The following SPECC1 variants were observed in gnomAD, a reference collection of about 807,000 sequenced individuals.
SPECC1 encodes the protein cytospin-B.
SPECC1 carries 62 observed loss-of-function variants against 104.1 expected under a neutral mutation model. The observed-to-expected ratio is 0.60, with a 90% CI of 0.49 to 0.74. The LOEUF is 0.74. SPECC1 is among the 30% of genes least tolerant of loss of function. The probability of loss-of-function intolerance (pLI) is 0.00; values close to 1 mark genes in which losing one functional copy is unlikely to be tolerated. For missense variants in SPECC1, 1,306 were observed against 1,310.5 expected (o/e 1.00, Z 0.05); for synonymous variants, 513 against 501.6 (o/e 1.02, Z -0.30).
At chr17:20,107,076 A>C (rs1469401176) in intron 2 of SPECC1, among the ~76,000 whole-genome samples, 2 of 141,158 alleles carry the variant, frequency 1.4e-5, no homozygotes, top group Non-Finnish European at 3.0e-5. Context: ...TCAGGAAGGC[A>C]GAGGTTGCAG....
intron 14 of SPECC1, among the ~76,000 whole-genome samples, 154 bp from the exon 15 acceptor site, chr17:20,313,822 G>A (rs1254263224): frequency 6.6e-6 from 1 of 152,176 alleles, no homozygotes; most frequent in Non-Finnish European, 1.5e-5. Context: ...TTAACTCATC[G>A]CTTTCAGCAC....
In SPECC1 at chr17:20,087,211, A is replaced by G. The variant is rs141945000; in HGVS notation, c.-21-9420A>G. ...ATAGAAATGTAAAGTATTGTTTACT[A>G]TTTCTGTGAAACTAGGGTGTAAACC... is the stretch of plus-strand genomic sequence containing the variant. On this transcript the variant is annotated intron_variant, in intron 1 of 14. Coordinates refer to ENST00000395527, the MANE Select transcript of SPECC1 (RefSeq NM_001243439.2). Among the ~76,000 whole-genome samples, 211 of 152,310 alleles carry G rather than the reference A, an allele frequency of 1.4e-3. 1 individual carries two copies. The highest frequency in any genetic ancestry group is 5.0e-3 in the African/African-American group (206 of 41,576).
chr17:20,140,365 G>T (rs2030626196), intron 3 of SPECC1, among the ~76,000 whole-genome samples: 1 of 152,034 alleles, frequency 6.6e-6, no homozygotes, highest in African/African-American at 2.4e-5. Flanking sequence ...ATACTTAAGA[G>T]GAAGATTGGA....
intron 1 of SPECC1, among the ~76,000 whole-genome samples, chr17:20,047,669 C>T (rs2045590409): frequency 6.6e-6 from 1 of 151,856 alleles, no homozygotes; most frequent in African/African-American, 2.4e-5. Flanking sequence ...GTGATCTCGG[C>T]TCACTGCAAG....
intron 3 of SPECC1, among the ~76,000 whole-genome samples, chr17:20,126,667 T>G (rs1471608614): frequency 6.6e-6 from 1 of 152,218 alleles, no homozygotes; most frequent in Admixed American, 6.5e-5. Context: ...GGAGTTATTC[T>G]TTTATTTCTG....
At chr17:20,292,216 G>C (rs1211759740) in intron 12 of SPECC1, among the ~76,000 whole-genome samples, 1 of 151,992 alleles carries the variant, frequency 6.6e-6, no homozygotes, top group Non-Finnish European at 1.5e-5. Flanking sequence ...CAGACCCTCT[G>C]TTAGAGGCCC....
At chr17:20,274,772 G>C (rs918149013) in intron 12 of SPECC1, among the ~76,000 whole-genome samples, 12 of 151,796 alleles carry the variant, frequency 7.9e-5, no homozygotes, top group African/African-American at 2.9e-4. Flanking sequence ...GAGCCACTGT[G>C]CCCAGCCTTG....
At chr17:20,216,815 A>G (rs1322672275) in intron 4 of SPECC1, among the ~76,000 whole-genome samples, 1 of 152,176 alleles carries the variant, frequency 6.6e-6, no homozygotes, top group Non-Finnish European at 1.5e-5. Flanking sequence ...TGAAAATCAC[A>G]TTGCTGGGTG....
chr17:20,062,414 G>A (rs1336205197), intron 1 of SPECC1, among the ~76,000 whole-genome samples: 1 of 152,102 alleles, frequency 6.6e-6, no homozygotes, highest in Non-Finnish European at 1.5e-5. Flanking sequence ...CCAGGCTGAA[G>A]TGCAGTGGTG....
chr17:20,249,837 T>G (rs1197379732), intron 9 of SPECC1, among the ~76,000 whole-genome samples: 1 of 152,074 alleles, frequency 6.6e-6, no homozygotes, highest in East Asian at 1.9e-4. Flanking sequence ...AAAAATCTCA[T>G]GTGTAATTGG....
chr17:20,069,859 TTTA>T (rs2046485261), intron 1 of SPECC1, among the ~76,000 whole-genome samples: 1 of 152,042 alleles, frequency 6.6e-6, no homozygotes, highest in South Asian at 2.1e-4. Flanking sequence ...ACATAAATAT[TTTA>T]TTCTTTTTGA....
At chr17:20,223,493 G>A (rs1199725912) in intron 4 of SPECC1, among the ~76,000 whole-genome samples, 1 of 151,998 alleles carries the variant, frequency 6.6e-6, no homozygotes, top group Non-Finnish European at 1.5e-5. Flanking sequence ...GACCAACATG[G>A]TGAAACCCGT....
chr17:20,048,634 C>T (rs796511340), intron 1 of SPECC1, among the ~76,000 whole-genome samples: 64 of 151,978 alleles, frequency 4.2e-4, no homozygotes, highest in Admixed American at 1.1e-3. Flanking sequence ...GGGCCAGGCG[C>T]GGTGGCTCAC....
At chr17:20,125,105 G>A (rs1345743494) in intron 3 of SPECC1, among the ~76,000 whole-genome samples, 8 of 152,094 alleles carry the variant, frequency 5.3e-5, no homozygotes, top group East Asian at 3.9e-4. Context: ...GCGTGAACCC[G>A]GGAGGCGGAG....
At chr17:20,189,395 C>T (rs2035503115) in intron 3 of SPECC1, among the ~76,000 whole-genome samples, 1 of 152,188 alleles carries the variant, frequency 6.6e-6, no homozygotes, top group Admixed American at 6.5e-5. Flanking sequence ...ACTTCAGTTT[C>T]AATGGAAATT....
chr17:20,298,921 A>AAGAGAGAGAGAGAGAGAGAGAGAG lies in SPECC1; in HGVS notation c.3057+1849_3057+1872dup, dbSNP rs370856374. Among the ~76,000 whole-genome samples the AAGAGAGAGAGAGAGAGAGAGAGAG allele has an allele frequency of 2.3e-4, 17 of 72,786 alleles. 1 individual carries two copies. In the East Asian group the frequency reaches 0.011, roughly 48 times the overall value. 47.8% of individuals were successfully genotyped at this position (72,786 alleles called of 152,430 possible). The stretch of plus-strand genomic sequence containing the variant: ...GAATTCTCCAAAAAAGCAGAACCAA[A>AAGAGAGAGAGAGAGAGAGAGAGAG]AGAGAGAGAGAGAGAGAGAGAGAGA... On this transcript the variant is annotated intron_variant, in intron 13 of 14. Transcript: ENST00000395527.
intron 3 of SPECC1, among the ~76,000 whole-genome samples, chr17:20,193,138 A>G (rs2035782796): frequency 6.6e-6 from 1 of 152,188 alleles, no homozygotes. Flanking sequence ...TGAAGTTGCT[A>G]TGACATTTGT....
Position 20,316,392 on chromosome 17 carries a change from G to T in SPECC1, c.*2327G>T, listed in dbSNP as rs2042040585. ...TTTTACTTATTTATTTTGAGATGGA[G>T]TTTCATCCTTATTGCCCAGGCTGGA... On this transcript the variant is annotated 3_prime_UTR_variant, in exon 15 of 15. Coordinates refer to ENST00000395527, the MANE Select transcript of SPECC1 (RefSeq NM_001243439.2). The T allele has an allele frequency of 4.7e-6, 1 of 213,830 alleles. No individual in the cohort carries two copies. Among genetic ancestry groups the T allele is most frequent in the Non-Finnish European group, 9.5e-6 (1 of 105,688 alleles). The allele number at this position is 213,830 out of a possible 1,614,324, so 13.2% of individuals were successfully genotyped here.
chr17:20,058,718 G>T (rs2152469286), intron 1 of SPECC1, among the ~76,000 whole-genome samples: 1 of 152,068 alleles, frequency 6.6e-6, no homozygotes, highest in South Asian at 2.1e-4. Flanking sequence ...TAGATTAGCG[G>T]TCCCCAACCT....
Sources: allele counts gnomAD v4.1 joint callset (sites outside exome capture counted in the v4.1 genomes callset), GRCh38; gene constraint gnomAD v4.1.1; transcripts MANE v1.5; gene names NCBI Gene and HGNC (gene_info 2026-07-23, HGNC 2026-07-21).